The following NEO1 variants were observed in gnomAD, a reference collection of about 807,000 sequenced individuals.
The protein encoded by NEO1 is neogenin.
Under a neutral mutation model 159.7 loss-of-function variants are expected in NEO1, and 63 were observed. The observed-to-expected ratio is 0.39, with a 90% confidence interval of 0.32 to 0.49. The LOEUF (loss-of-function observed/expected upper bound fraction) is 0.49. Ranked by LOEUF, NEO1 falls within the 20% of genes least tolerant of loss-of-function variation. NEO1 has a pLI of 0.85. For synonymous variants in NEO1, 633 were observed against 662.0 expected (o/e 0.96, Z 0.67); for missense variants, 1,615 against 1,831.0 (o/e 0.88, Z 2.15).
intron 5 of NEO1, among the ~76,000 whole-genome samples, chr15:73,162,488 G>A (rs1237571451): frequency 3.3e-5 from 5 of 152,110 alleles, no homozygotes; most frequent in African/African-American, 9.7e-5. Flanking sequence ...CACCTCCTGG[G>A]TTCAAGCAAT....
rs186729758 is a variant in NEO1 at position 73,230,923 on chromosome 15, T to C, written c.1292-5424T>C. Among the ~76,000 whole-genome samples the C allele has an allele frequency of 7.2e-5, 11 of 152,316 alleles. No homozygotes were observed. The East Asian group carries it at 2.1e-3, about 29-fold the overall frequency. ...AAAAAATTTTTTTAAATTTTTCTTA[T>C]GATTTCTTCTTTGACCCTAGGATTG... On this transcript the variant is annotated intron_variant, in intron 7 of 28. Coordinates refer to ENST00000261908, the MANE Select transcript of NEO1 (RefSeq NM_002499.4).
At chr15:73,300,394 C>T (rs1369398836) in intron 27 of NEO1, among the ~76,000 whole-genome samples, 1 of 152,154 alleles carries the variant, frequency 6.6e-6, no homozygotes, top group African/African-American at 2.4e-5. Context: ...ATGATAAAAA[C>T]ATTCAACTCA....
chr15:73,204,219 G>GT (rs367668319), intron 7 of NEO1, among the ~76,000 whole-genome samples: 1 of 151,146 alleles, frequency 6.6e-6, no homozygotes, highest in African/African-American at 2.4e-5. Flanking sequence ...AGGTAGGGTG[G>GT]TTTTTTTTAT....
intron 7 of NEO1, among the ~76,000 whole-genome samples, chr15:73,184,156 A>G (rs1241060073): frequency 6.6e-6 from 1 of 151,428 alleles, no homozygotes; most frequent in Non-Finnish European, 1.5e-5. Context: ...AAAATTAATT[A>G]ATTAATTAAT....
At chr15:73,114,110 TTGCC>T (rs1180607765) in intron 1 of NEO1, among the ~76,000 whole-genome samples, 26 of 152,274 alleles carry the variant, frequency 1.7e-4, no homozygotes, top group African/African-American at 6.0e-4. Flanking sequence ...AAAACTAACA[TTGCC>T]TGGGCACCTG....
chr15:73,248,158 A>T (rs1057272267), intron 9 of NEO1, among the ~76,000 whole-genome samples: 1 of 152,168 alleles, frequency 6.6e-6, no homozygotes, highest in Non-Finnish European at 1.5e-5. Context: ...TTAGTGCTTG[A>T]CTGACTGTAA....
chr15:73,292,901 A>G (rs186886484), intron 25 of NEO1, among the ~76,000 whole-genome samples: 1 of 152,364 alleles, frequency 6.6e-6, no homozygotes, highest in Admixed American at 6.5e-5. Context: ...GTTTTAACAA[A>G]GGCAGAATGA....
At chr15:73,184,742 A>T (rs1019028468) in intron 7 of NEO1, among the ~76,000 whole-genome samples, 12 of 152,128 alleles carry the variant, frequency 7.9e-5, no homozygotes, top group African/African-American at 2.9e-4. Context: ...AGCTTGGCCA[A>T]CTTGGCAAAA....
At chr15:73,059,861 G>A (rs2151237040) in intron 1 of NEO1, among the ~76,000 whole-genome samples, 1 of 152,142 alleles carries the variant, frequency 6.6e-6, no homozygotes, top group Non-Finnish European at 1.5e-5. Flanking sequence ...AGCTGTCTGG[G>A]GGTACAGCTA....
intron 26 of NEO1, among the ~76,000 whole-genome samples, chr15:73,296,465 C>T (rs747510868): frequency 3.9e-5 from 6 of 152,142 alleles, no homozygotes; most frequent in Non-Finnish European, 8.8e-5. Context: ...TAGTTAGGCA[C>T]ACTTGGGAGG....
At chr15:73,282,051 T>G (rs2041742786) in intron 22 of NEO1, among the ~76,000 whole-genome samples, 1 of 152,314 alleles carries the variant, frequency 6.6e-6, no homozygotes, top group South Asian at 2.1e-4. Context: ...CTGACTTGCA[T>G]CTCTCTGCTT....
intron 4 of NEO1, among the ~76,000 whole-genome samples, chr15:73,134,216 A>C (rs772719419): frequency 3.3e-5 from 5 of 152,124 alleles, no homozygotes; most frequent in Non-Finnish European, 7.3e-5. Flanking sequence ...GCTCTATTCC[A>C]TTATATAATA....
chr15:73,180,499 G>A (rs1045489454), intron 7 of NEO1, among the ~76,000 whole-genome samples: 2 of 152,118 alleles, frequency 1.3e-5, no homozygotes, highest in African/African-American at 4.8e-5. Context: ...GAGGTAGATA[G>A]GCTTATTTCT....
intron 11 of NEO1, among the ~76,000 whole-genome samples, chr15:73,252,929 G>A (rs1292455450): frequency 1.3e-5 from 2 of 152,166 alleles, no homozygotes; most frequent in Non-Finnish European, 2.9e-5. Flanking sequence ...GGCAGAGGTT[G>A]CTGTGAGCCG....
chr15:73,079,565 T>C, intron 1 of NEO1, among the ~76,000 whole-genome samples: 1 of 152,082 alleles, frequency 6.6e-6, no homozygotes, highest in South Asian at 2.1e-4. Flanking sequence ...TAAATAAATG[T>C]CTCTCTTTAT....
chr15:73,253,393 T>A lies in NEO1; in HGVS notation c.1895-7T>A, dbSNP rs748842380. 1.3e-6 allele frequency: 2 copies of A among 1,553,286 alleles called. No individual in the cohort carries two copies. Among genetic ancestry groups the A allele is most frequent in the East Asian group, 4.5e-5 (2 of 44,438 alleles). The stretch of plus-strand genomic sequence containing the variant: ...AAAAAATTTTTTTTTTTTTTTTGTT[T>A]CTCTAGTTCCCAGTGCTGCTCCTCA... On this transcript the variant is annotated splice_region_variant and splice_polypyrimidine_tract_variant and intron_variant, in intron 11 of 28. Transcript: ENST00000261908.
intron 21 of NEO1, among the ~76,000 whole-genome samples, chr15:73,275,816 A>T (rs1485710738): frequency 6.6e-6 from 1 of 152,168 alleles, no homozygotes; most frequent in Non-Finnish European, 1.5e-5. Context: ...TATCTCTAGG[A>T]AGTCAGCTAA....
intron 1 of NEO1, among the ~76,000 whole-genome samples, chr15:73,053,179 A>G (rs371659922): frequency 3.9e-5 from 6 of 152,240 alleles, no homozygotes; most frequent in African/African-American, 9.6e-5. Flanking sequence ...TAAATAAACA[A>G]TCAGACGGCC....
intron 9 of NEO1, among the ~76,000 whole-genome samples, chr15:73,244,717 G>A (rs751159481): frequency 6.6e-6 from 1 of 151,948 alleles, no homozygotes; most frequent in South Asian, 2.1e-4. Flanking sequence ...TTGGGAGGCC[G>A]AGGCAAGCAG....
Sources: gnomAD v4.1 joint callset for allele counts (sites outside exome capture counted in the v4.1 genomes callset) on GRCh38, gnomAD v4.1.1 for gene constraint, MANE v1.5 for transcripts, NCBI Gene and HGNC (gene_info 2026-07-23, HGNC 2026-07-21) for gene names.